Variants in NDST4 observed in about 807,000 individuals in gnomAD.
NDST4 encodes the protein N-heparan sulfate sulfotransferase 4.
In NDST4, 63 loss-of-function variants were observed where a neutral mutation model predicts 100.8. The ratio of observed to expected loss-of-function variants is 0.62; its 90% CI spans 0.51 to 0.77. The LOEUF (loss-of-function observed/expected upper bound fraction) is 0.77. Among genes scored for constraint, NDST4 ranks in the 30% least tolerant of loss-of-function variants. The pLI, the probability that NDST4 is intolerant of heterozygous loss-of-function variation, is 0.00. For missense variants in NDST4, 943 were observed against 1,018.4 expected (o/e 0.93, Z 1.01); for synonymous variants, 377 against 361.8 (o/e 1.04, Z -0.48).
At position 114,903,892 on chromosome 4, in the gene NDST4, A is replaced by AT. The variant is rs1724897355; in HGVS notation, c.1536+31313dup. 2.6e-5 allele frequency among the ~76,000 whole-genome samples: 4 copies of AT among 152,104 alleles called. No individual in the cohort carries two copies. The South Asian group carries it at 8.3e-4, about 32-fold the overall frequency. On this transcript the variant is annotated intron_variant, in intron 6 of 13. Transcript: ENST00000264363. ...CTCTAGATTTTTGACATGCATAGGAATTTTTACTTCAGTTATAGATATCAA... is the reference window on the plus strand; with the variant it reads ...CTCTAGATTTTTGACATGCATAGGAATTTTTTACTTCAGTTATAGATATCAA...
intron 1 of NDST4, among the ~76,000 whole-genome samples, chr4:115,082,965 G>T (rs1729332863): frequency 6.6e-6 from 1 of 152,146 alleles, no homozygotes; most frequent in African/African-American, 2.4e-5. Flanking sequence ...ATTTGAAAGA[G>T]CTGTGTTGTA....
chr4:114,952,092 T>C (rs539006378), intron 4 of NDST4, among the ~76,000 whole-genome samples: 2 of 152,214 alleles, frequency 1.3e-5, no homozygotes, highest in Admixed American at 6.5e-5. Flanking sequence ...CAGAAAATCA[T>C]TTAAAAGCAT....
In NDST4 at chr4:115,010,443, A is replaced by G. The variant is rs561569786; in HGVS notation, c.979-33169T>C. ...CAGTAAGCTATCGCAAGAACAAAAA[A>G]ACAAACACCGCATATTCTTACTCAT... On this transcript the variant is annotated intron_variant, in intron 2 of 13. Transcript: ENST00000264363. Among the ~76,000 whole-genome samples the G allele has an allele frequency of 1.9e-4, 25 of 128,770 alleles. 7 individuals are homozygous for G. Among genetic ancestry groups the G allele is most frequent in the Non-Finnish European group, 3.8e-4 (23 of 60,250 alleles). 84.5% of individuals were successfully genotyped at this position (128,770 alleles called of 152,430 possible).
chr4:114,937,352 C>T lies in NDST4; in HGVS notation c.1373G>A (p.Arg458Gln), dbSNP rs1018738769. The change falls in exon 5 of 14, where the codon CGG becomes CAG. Residue 458 changes from arginine to glutamine, a missense_variant. Transcript: ENST00000264363. Reference sequence around the variant, plus strand: ...ATTGTGAATGAAGCCCTTTCTGTACCGGGCAGGTTTCAGATGTGGATATTC... The same window carrying T: ...ATTGTGAATGAAGCCCTTTCTGTACTGGGCAGGTTTCAGATGTGGATATTC... Reference protein sequence around the residue: ...TEEYPHLKPARYRKGFIHNSI... With the variant: ...TEEYPHLKPAQYRKGFIHNSI... 14 of 1,613,972 alleles carry T rather than the reference C, an allele frequency of 8.7e-6. No individual in the cohort carries two copies. Among genetic ancestry groups the T allele is most frequent in the Middle Eastern group, 1.6e-4 (1 of 6,084 alleles).
chr4:114,992,814 G>C (rs1336801425), intron 2 of NDST4, among the ~76,000 whole-genome samples: 1 of 151,712 alleles, frequency 6.6e-6, no homozygotes, highest in East Asian at 1.9e-4. Context: ...CTAAATCTCT[G>C]ATCTAAACTC....
At chr4:114,828,300 T>C (rs1723124869) in intron 13 of NDST4, among the ~76,000 whole-genome samples, 1 of 152,110 alleles carries the variant, frequency 6.6e-6, no homozygotes, top group African/African-American at 2.4e-5. Context: ...GCTAGATAAA[T>C]GTACATACAT....
At chr4:114,835,464 G>A (rs1298375698) in intron 11 of NDST4, among the ~76,000 whole-genome samples, 1 of 152,174 alleles carries the variant, frequency 6.6e-6, no homozygotes. Context: ...TAATTTGATT[G>A]CACTGTGGTC....
At chr4:114,976,618 A>C (rs1468647809) in intron 3 of NDST4, among the ~76,000 whole-genome samples, 3 of 151,946 alleles carry the variant, frequency 2.0e-5, no homozygotes, top group Non-Finnish European at 4.4e-5. Context: ...TAGAGATGGA[A>C]AGAAATACAA....
intron 2 of NDST4, among the ~76,000 whole-genome samples, chr4:115,014,740 T>G (rs879601236): frequency 2.6e-5 from 4 of 152,062 alleles, no homozygotes; most frequent in Non-Finnish European, 5.9e-5. Flanking sequence ...GCAAAATCCC[T>G]TAGAATTTTG....
intron 2 of NDST4, among the ~76,000 whole-genome samples, chr4:114,977,582 A>C (rs1726667527): frequency 1.3e-5 from 2 of 151,950 alleles, no homozygotes; most frequent in South Asian, 4.1e-4. Context: ...TGAACTTTGG[A>C]TTATTATACT....
intron 6 of NDST4, among the ~76,000 whole-genome samples, chr4:114,934,489 G>C (rs1388434046): frequency 6.6e-6 from 1 of 151,408 alleles, no homozygotes; most frequent in African/African-American, 2.4e-5. Context: ...GGGAGGCGGA[G>C]CTTGCAGCTA....
At chr4:114,999,805 G>T (rs1727246641) in intron 2 of NDST4, among the ~76,000 whole-genome samples, 1 of 151,954 alleles carries the variant, frequency 6.6e-6, no homozygotes, top group South Asian at 2.1e-4. Context: ...TTGTCGTAAA[G>T]GCTGTTAGGA....
chr4:114,923,031 G>C (rs1025497801), intron 6 of NDST4, among the ~76,000 whole-genome samples: 2 of 152,132 alleles, frequency 1.3e-5, no homozygotes, highest in Non-Finnish European at 2.9e-5. Context: ...GAGTAGTAGA[G>C]ATATTAATAG....
At chr4:115,035,978 T>C (rs553553284) in intron 2 of NDST4, among the ~76,000 whole-genome samples, 1 of 152,142 alleles carries the variant, frequency 6.6e-6, no homozygotes, top group South Asian at 2.1e-4. Context: ...TATCACTTCA[T>C]GCAGGACAAG....
At chr4:114,993,458 C>A (rs1449846672) in intron 2 of NDST4, among the ~76,000 whole-genome samples, 1 of 151,844 alleles carries the variant, frequency 6.6e-6, no homozygotes. Context: ...GTGGAGAAAT[C>A]AGAAATAGAA....
intron 6 of NDST4, among the ~76,000 whole-genome samples, chr4:114,915,704 A>G (rs1344325176): frequency 1.3e-5 from 2 of 152,192 alleles, no homozygotes; most frequent in Non-Finnish European, 2.9e-5. Context: ...CACTTTTATT[A>G]TAAATGCCAT....
chr4:114,934,393 T>C (rs1323547429), intron 6 of NDST4, among the ~76,000 whole-genome samples: 1 of 151,656 alleles, frequency 6.6e-6, no homozygotes, highest in Non-Finnish European at 1.5e-5. Flanking sequence ...CTTCTAAAAA[T>C]ACAAAAAATT....
At position 114,870,959 on chromosome 4, in the gene NDST4, T is replaced by C. The variant is rs1481002815; in HGVS notation, c.1537-9A>G. The C allele has an allele frequency of 2.5e-6, 4 of 1,590,740 alleles. No homozygotes were observed. The South Asian group carries it at 4.5e-5, about 18-fold the overall frequency. ...GTCATGAAAATGCTGATCTGAAAGA[T>C]AAATAAAAATGACCACAAAAATATC... On this transcript the variant is annotated splice_polypyrimidine_tract_variant and intron_variant, in intron 6 of 13. Coordinates refer to ENST00000264363, the MANE Select transcript of NDST4 (RefSeq NM_022569.3).
intron 5 of NDST4, 138 bp downstream of exon 5, chr4:114,937,180 A>G: frequency 1.1e-6 from 1 of 882,688 alleles, no homozygotes; most frequent in East Asian, 2.6e-5. Context: ...ATAACCAGTC[A>G]CCATTGAGAT....
Sources: gnomAD v4.1 joint callset for allele counts (sites outside exome capture counted in the v4.1 genomes callset) on GRCh38, gnomAD v4.1.1 for gene constraint, MANE v1.5 for transcripts, NCBI Gene and HGNC (gene_info 2026-07-23, HGNC 2026-07-21) for gene names.